Variants in AP1M1 observed in about 807,000 individuals in gnomAD.
AP1M1 encodes the protein adaptor related protein complex 1 subunit mu 1.
In AP1M1, 18 loss-of-function variants were observed where a neutral mutation model predicts 57.1. The observed-to-expected ratio is 0.32, with a 90% CI of 0.22 to 0.47. AP1M1 has a LOEUF of 0.47. Ranked by LOEUF, AP1M1 falls within the 20% of genes least tolerant of loss-of-function variation. AP1M1 has a pLI of 1.00. For missense variants in AP1M1, 362 were observed against 593.5 expected, an observed-to-expected ratio of 0.61 and a Z score of 4.05; for synonymous variants, 241 against 237.9, an observed-to-expected ratio of 1.01 and a Z score of -0.12.
intron 5 of AP1M1, among the ~76,000 whole-genome samples, chr19:16,211,268 A>G (rs1281599372): frequency 6.6e-6 from 1 of 151,810 alleles, no homozygotes; most frequent in Non-Finnish European, 1.5e-5. Flanking sequence ...TAATTTTTGT[A>G]TTTTTAGTCG....
chr19:16,228,010 C>T lies in AP1M1; in HGVS notation c.817-127C>T, dbSNP rs2091578735. 3 of 1,025,966 alleles carry T rather than the reference C, an allele frequency of 2.9e-6. No homozygotes were observed. The highest frequency in any genetic ancestry group is 2.0e-5 in the Admixed American group (1 of 49,230). 63.6% of individuals were successfully genotyped at this position (1,025,966 alleles called of 1,614,324 possible). On this transcript the variant is annotated intron_variant, in intron 7 of 11. Transcript: ENST00000291439. This position sits in a 1 kb window ranked among gnomAD's most constrained non-coding sequence, Gnocchi z 5.0. ...GGCCCTCCCTGACGCTGGCTGTACG[C>T]TCCCTGCAGGGCTCTGGGCCCACAC...
chr19:16,236,782 C>T lies in AP1M1; in HGVS notation c.*2347C>T, dbSNP rs1387375311. On this transcript the variant is annotated 3_prime_UTR_variant, in exon 12 of 12. Coordinates refer to ENST00000291439, the MANE Select transcript of AP1M1 (RefSeq NM_032493.4). Reference sequence around the variant, plus strand: ...AGAAAACCTCCCTGGAGGGACCTAACTTCATGCCTTGTTACCTAAGATCCT... The same window carrying T: ...AGAAAACCTCCCTGGAGGGACCTAATTTCATGCCTTGTTACCTAAGATCCT... The T allele has an allele frequency of 1.3e-5, 2 of 152,222 alleles. No individual in the cohort carries two copies. The highest frequency in any genetic ancestry group is 2.9e-5 in the Non-Finnish European group (2 of 68,050). 9.4% of individuals were successfully genotyped at this position (152,222 alleles called of 1,614,324 possible).
At position 16,228,158 on chromosome 19, in the gene AP1M1, G is replaced by C; in HGVS notation, c.838G>C (p.Glu280Gln). 1 of 1,613,846 alleles carries C rather than the reference G, an allele frequency of 6.2e-7. No homozygotes were observed. Among genetic ancestry groups the C allele is most frequent in the Non-Finnish European group, 8.5e-7 (1 of 1,180,020 alleles). The change falls in exon 8 of 12, where the codon GAG becomes CAG. Residue 280 changes from glutamate (E) to glutamine (Q), a missense_variant. By Grantham distance (29) the Glu-to-Gln change is conservative (BLOSUM62 2). This residue lies in a region of AP1M1 where 337 missense variants were observed against 511.1 expected (regional missense o/e 0.66). Transcript: ENST00000291439. The surrounding 1 kb of genome is among the most constrained non-coding windows in gnomAD (Gnocchi z 5.0). The stretch of plus-strand genomic sequence containing the variant: ...GCAGGTCAAGCCTTTGATATGGATC[G>C]AGTCGGTGATCGAGAAGCACTCCCA... ...NTHVKPLIWI[E>Q]SVIEKHSHSR...
chr19:16,233,702 G>T lies in AP1M1; in HGVS notation c.1173+84G>T, dbSNP rs112921428. The T allele has an allele frequency of 0.017, 25,130 of 1,492,020 alleles. 292 individuals are homozygous for T. The highest frequency in any genetic ancestry group is 0.031 in the Middle Eastern group (177 of 5,646). 92.4% of individuals were successfully genotyped at this position (1,492,020 alleles called of 1,614,324 possible). A position where few individuals can be genotyped will look rare whatever the true frequency, so the allele number is the denominator to read the frequency against. Reference sequence around the variant, plus strand: ...TATCAATGCAGCCAGCTTGGGAAAGGGTGTCAGTCAGCTGCAATCAGGACC... The same window carrying T: ...TATCAATGCAGCCAGCTTGGGAAAGTGTGTCAGTCAGCTGCAATCAGGACC... On this transcript the variant is annotated intron_variant, in intron 10 of 11. Transcript: ENST00000291439.
intron 2 of AP1M1, among the ~76,000 whole-genome samples, chr19:16,205,462 G>A (rs906300242): frequency 2.6e-5 from 4 of 152,210 alleles, no homozygotes; most frequent in African/African-American, 9.6e-5. Context: ...GCCAGCACTC[G>A]TTTGACTGGG....
chr19:16,241,791 T>TA lies in AP1M1; in HGVS notation c.*7356_*7357insA. The stretch of plus-strand genomic sequence containing the variant: ...AGGCGGATCACCTGAGGTTGGGAGT[T>TA]CGAGATCAGCCTGACTAACATGAGA... On this transcript the variant is annotated 3_prime_UTR_variant, in exon 12 of 12. Transcript: ENST00000291439. 1 of 151,118 alleles carries TA rather than the reference T, an allele frequency of 6.6e-6. No homozygotes were observed. Among genetic ancestry groups the TA allele is most frequent in the Non-Finnish European group, 1.5e-5 (1 of 67,886 alleles). 9.4% of individuals were successfully genotyped at this position (151,118 alleles called of 1,614,324 possible).
At chr19:16,199,904 G>A (rs1321745321) in intron 1 of AP1M1, among the ~76,000 whole-genome samples, 4 of 152,090 alleles carry the variant, frequency 2.6e-5, no homozygotes, top group African/African-American at 7.2e-5. Context: ...GCCCTATGCC[G>A]GGCATAGGGT....
intron 9 of AP1M1, among the ~76,000 whole-genome samples, chr19:16,229,454 G>A (rs549752737): frequency 2.6e-5 from 4 of 152,330 alleles, no homozygotes; most frequent in African/African-American, 9.6e-5. Context: ...CTGAGTCTGG[G>A]CTTGCCGGGT....
Position 16,234,614 on chromosome 19 carries a change from A to G in AP1M1, c.*179A>G. 1.4e-6 allele frequency: 1 copy of G among 698,608 alleles called. No homozygotes were observed. Among genetic ancestry groups the G allele is most frequent in the Non-Finnish European group, 2.4e-6 (1 of 418,508 alleles). 43.3% of individuals were successfully genotyped at this position (698,608 alleles called of 1,614,324 possible). Reference sequence around the variant, plus strand: ...CTCTGCCGTCGACACTCGTCTCAGAAGCCCCTTTCCCAGAAGAGGCTGGTC... The same window carrying G: ...CTCTGCCGTCGACACTCGTCTCAGAGGCCCCTTTCCCAGAAGAGGCTGGTC... On this transcript the variant is annotated 3_prime_UTR_variant, in exon 12 of 12. Coordinates refer to ENST00000291439, the MANE Select transcript of AP1M1 (RefSeq NM_032493.4).
At position 16,243,395 on chromosome 19, in the gene AP1M1, A is replaced by G. The variant is rs1469395597; in HGVS notation, c.*8960A>G. Reference sequence around the variant, plus strand: ...ATAGTCCTCCCATCTCAGTCTCACAAGTAGCTGGGATTACAGGTGAGCACC... The same window carrying G: ...ATAGTCCTCCCATCTCAGTCTCACAGGTAGCTGGGATTACAGGTGAGCACC... On this transcript the variant is annotated 3_prime_UTR_variant, in exon 12 of 12. Transcript: ENST00000291439. 1 of 149,448 alleles carries G rather than the reference A, an allele frequency of 6.7e-6. No individual in the cohort carries two copies. The highest frequency in any genetic ancestry group is 2.4e-5 in the African/African-American group (1 of 40,972). 9.3% of individuals were successfully genotyped at this position (149,448 alleles called of 1,614,324 possible). A position where few individuals can be genotyped will look rare whatever the true frequency, so the allele number is the denominator to read the frequency against.
intron 1 of AP1M1, among the ~76,000 whole-genome samples, chr19:16,198,746 A>G (rs2091435258): frequency 6.6e-6 from 1 of 152,122 alleles, no homozygotes; most frequent in Non-Finnish European, 1.5e-5. Flanking sequence ...GGGAGCACCT[A>G]CTAATGCCGG....
chr19:16,208,343 T>A, intron 4 of AP1M1, 194 bp downstream of exon 4: 1 of 512,860 alleles, frequency 1.9e-6, no homozygotes, highest in Non-Finnish European at 3.4e-6. Flanking sequence ...CGCCCCCACA[T>A]AACCGTGCTT....
chr19:16,221,875 A>G (rs2091545813), intron 5 of AP1M1, among the ~76,000 whole-genome samples: 1 of 152,132 alleles, frequency 6.6e-6, no homozygotes, highest in Admixed American at 6.5e-5. Flanking sequence ...TAGTAGAGAC[A>G]GGGTTTCTCC....
At chr19:16,234,174 C>T (rs781199249) in intron 10 of AP1M1, 25 bp from the exon 11 acceptor site, 1 of 1,605,046 alleles carries the variant, frequency 6.2e-7, no homozygotes, top group Non-Finnish European at 8.5e-7. Context: ...CTGCGGTGCT[C>T]AGGGCCCTGC....
At position 16,240,456 on chromosome 19, in the gene AP1M1, T is replaced by A. The variant is rs193022871; in HGVS notation, c.*6021T>A. The A allele has an allele frequency of 2.0e-5, 3 of 152,312 alleles. No homozygotes were observed. Among genetic ancestry groups the A allele is most frequent in the African/African-American group, 7.2e-5 (3 of 41,582 alleles). 9.4% of individuals were successfully genotyped at this position (152,312 alleles called of 1,614,324 possible). ...TTAATGAAAATCTTGAAGTGTTTTT[T>A]GTTTTTCATTTTGACGGAGTTTCGC... On this transcript the variant is annotated 3_prime_UTR_variant, in exon 12 of 12. Coordinates refer to ENST00000291439, the MANE Select transcript of AP1M1 (RefSeq NM_032493.4).
chr19:16,209,033 C>T lies in AP1M1; in HGVS notation c.402C>T (p.Tyr134=). The T allele has an allele frequency of 6.2e-7, 1 of 1,613,630 alleles. No individual in the cohort carries two copies. Among genetic ancestry groups the T allele is most frequent in the South Asian group, 1.1e-5 (1 of 91,062 alleles). The change falls in exon 5 of 12, where the codon TAC becomes TAT. Residue 134 remains tyrosine, a synonymous_variant. Transcript: ENST00000291439. ...QTTDSKILQE[Y]ITQEGHKLET... ...CTCTGAGCGTGTGGCCCCACAGGTA[C>T]ATCACTCAGGAAGGCCACAAGCTGG... is the stretch of plus-strand genomic sequence containing the variant.
At position 16,203,354 on chromosome 19, in the gene AP1M1, G is replaced by A; in HGVS notation, c.43-105G>A. On this transcript the variant is annotated intron_variant, in intron 1 of 11. Transcript: ENST00000291439. The surrounding 1 kb of genome is among the most constrained non-coding windows in gnomAD (Gnocchi z 4.6). ...CTTTTGCGGATAGTGGCCATGACCG[G>A]AGTCCCCAGAGCGAAGCAGGGTGGT... 1.7e-6 allele frequency: 2 copies of A among 1,182,022 alleles called. No individual in the cohort carries two copies. The highest frequency in any genetic ancestry group is 2.7e-5 in the South Asian group (2 of 74,804). 73.2% of individuals were successfully genotyped at this position (1,182,022 alleles called of 1,614,324 possible).
At chr19:16,217,842 C>T (rs1431867566) in intron 5 of AP1M1, among the ~76,000 whole-genome samples, 1 of 152,168 alleles carries the variant, frequency 6.6e-6, no homozygotes, top group African/African-American at 2.4e-5. Flanking sequence ...GGCTGGAGTT[C>T]TGCCCCGCCT....
intron 1 of AP1M1, among the ~76,000 whole-genome samples, chr19:16,200,174 A>G (rs2091441263): frequency 6.6e-6 from 1 of 152,130 alleles, no homozygotes; most frequent in Admixed American, 6.5e-5. Context: ...ACATTACCAC[A>G]CAGTTGGATC....
Sources: allele counts gnomAD v4.1 joint callset (sites outside exome capture counted in the v4.1 genomes callset), GRCh38; gene constraint gnomAD v4.1.1; regional missense constraint gnomAD v4.1.1; non-coding constraint Gnocchi (gnomAD v3.1); transcripts MANE v1.5; gene names NCBI Gene and HGNC (gene_info 2026-07-23, HGNC 2026-07-21).